Variants in PPARGC1A observed in about 807,000 individuals in gnomAD.
PPARGC1A encodes the protein peroxisome proliferator-activated receptor gamma coactivator 1-alpha.
Under a neutral mutation model 88.7 loss-of-function variants are expected in PPARGC1A, and 25 were observed. The observed-to-expected ratio is 0.28, with a 90% CI of 0.21 to 0.39. PPARGC1A has a LOEUF of 0.39. Among genes scored for constraint, PPARGC1A ranks in the 10% least tolerant of loss-of-function variants. The pLI, the probability that PPARGC1A is intolerant of heterozygous loss-of-function variation, is 1.00. For synonymous variants in PPARGC1A, 363 were observed against 355.6 expected, an observed-to-expected ratio of 1.02 and a Z score of -0.24; for missense variants, 880 against 968.7, an observed-to-expected ratio of 0.91 and a Z score of 1.22.
the PPARGC1A span, among the ~76,000 whole-genome samples, chr4:24,363,936 C>T: frequency 4.6e-5 from 7 of 152,122 alleles, no homozygotes; most frequent in African/African-American, 1.2e-4. Context: ...ATTGTCATTC[C>T]GCTGCCAAGA....
chr4:24,085,247 T>C, the PPARGC1A span, among the ~76,000 whole-genome samples: 4 of 152,160 alleles, frequency 2.6e-5, no homozygotes, highest in African/African-American at 9.7e-5. Flanking sequence ...CACAAATCTA[T>C]ATCCATATTT....
chr4:24,294,976 G>C, the PPARGC1A span, among the ~76,000 whole-genome samples: 4 of 152,142 alleles, frequency 2.6e-5, no homozygotes, highest in African/African-American at 9.7e-5. Context: ...AAGCCCATGG[G>C]GGGACTAGTA....
chr4:24,084,360 G>C, the PPARGC1A span, among the ~76,000 whole-genome samples: 1 of 152,214 alleles, frequency 6.6e-6, no homozygotes, highest in South Asian at 2.1e-4. Flanking sequence ...AGGTTGCTTA[G>C]CCTTGAGAGC....
the PPARGC1A span, among the ~76,000 whole-genome samples, chr4:24,307,777 C>G: frequency 6.6e-6 from 1 of 152,174 alleles, no homozygotes; most frequent in Non-Finnish European, 1.5e-5. Context: ...AGCTGACTCT[C>G]GAGCCCACCC....
At chr4:23,977,022 G>A in the PPARGC1A span, among the ~76,000 whole-genome samples, 9 of 151,190 alleles carry the variant, frequency 6.0e-5, no homozygotes, top group African/African-American at 2.2e-4. Context: ...GAGAGGAGGA[G>A]GAAAAGGAGA....
At chr4:24,103,978 A>AT in the PPARGC1A span, among the ~76,000 whole-genome samples, 1 of 152,186 alleles carries the variant, frequency 6.6e-6, no homozygotes, top group Non-Finnish European at 1.5e-5. Context: ...TCCTAGGAAG[A>AT]TTAAGGCCGA....
At chr4:24,427,176 C>A in the PPARGC1A span, among the ~76,000 whole-genome samples, 6 of 152,104 alleles carry the variant, frequency 3.9e-5, no homozygotes, top group Non-Finnish European at 8.8e-5. Context: ...GTCCTCATTA[C>A]AAATTCACTT....
the PPARGC1A span, among the ~76,000 whole-genome samples, chr4:24,392,085 G>C: frequency 2.6e-5 from 4 of 152,152 alleles, no homozygotes; most frequent in Non-Finnish European, 5.9e-5. Context: ...TAGAAAACCT[G>C]ATAGTAAGAA....
chr4:23,948,124 C>T, the PPARGC1A span, among the ~76,000 whole-genome samples: 3 of 152,176 alleles, frequency 2.0e-5, no homozygotes, highest in Non-Finnish European at 4.4e-5. Flanking sequence ...GGAATGACTG[C>T]TCTTCTTTTA....
At chr4:23,908,800 T>A (rs1720380346), upstream of PPARGC1A, among the ~76,000 whole-genome samples, 1 of 152,216 alleles carries the variant, frequency 6.6e-6, no homozygotes, top group Non-Finnish European at 1.5e-5. Flanking sequence ...GATGCCAGGA[T>A]AAACAGACAC....
the PPARGC1A span, among the ~76,000 whole-genome samples, chr4:24,038,137 C>A: frequency 6.6e-6 from 1 of 152,172 alleles, no homozygotes; most frequent in Non-Finnish European, 1.5e-5. Flanking sequence ...AAACAACCTG[C>A]CCAAATATAA....
At chr4:24,121,066 A>T in the PPARGC1A span, among the ~76,000 whole-genome samples, 1 of 152,154 alleles carries the variant, frequency 6.6e-6, no homozygotes, top group Non-Finnish European at 1.5e-5. Flanking sequence ...CAGTTTCCTC[A>T]TCTGAAAAAC....
At chr4:24,320,306 T>C in the PPARGC1A span, among the ~76,000 whole-genome samples, 1 of 152,220 alleles carries the variant, frequency 6.6e-6, no homozygotes, top group South Asian at 2.1e-4. Context: ...TCTCCTTTTT[T>C]ATTCTAGAAT....
the PPARGC1A span, among the ~76,000 whole-genome samples, chr4:24,047,031 A>G: frequency 0.29 from 43,900 of 151,976 alleles, 6,749 homozygotes; most frequent in South Asian, 0.45. Context: ...GCCCACTCTG[A>G]CTGACAAACC....
At chr4:23,981,733 A>G in the PPARGC1A span, among the ~76,000 whole-genome samples, 1 of 152,128 alleles carries the variant, frequency 6.6e-6, no homozygotes, top group East Asian at 1.9e-4. Flanking sequence ...TATTTTTTAA[A>G]TTACTATTAT....
the PPARGC1A span, among the ~76,000 whole-genome samples, chr4:24,010,079 G>A: frequency 6.2e-3 from 942 of 152,226 alleles, 18 homozygotes; most frequent in South Asian, 0.087. Flanking sequence ...ACATTGGTTC[G>A]GAAAGTGCCT....
the PPARGC1A span, among the ~76,000 whole-genome samples, chr4:23,968,786 G>C: frequency 6.6e-6 from 1 of 151,952 alleles, no homozygotes; most frequent in Non-Finnish European, 1.5e-5. Flanking sequence ...GTGGTGGTGG[G>C]TGCCCGTAGT....
chr4:24,328,494 T>C, the PPARGC1A span, among the ~76,000 whole-genome samples: 2 of 152,112 alleles, frequency 1.3e-5, no homozygotes, highest in African/African-American at 4.8e-5. Context: ...TTTTTAACCC[T>C]TTAGGCAGGG....
At chr4:24,291,129 C>T in the PPARGC1A span, among the ~76,000 whole-genome samples, 1 of 152,174 alleles carries the variant, frequency 6.6e-6, no homozygotes, top group Non-Finnish European at 1.5e-5. Context: ...CTCGCTAAAG[C>T]ATTCCACCCA....
Sources: gnomAD v4.1 joint callset for allele counts (sites outside exome capture counted in the v4.1 genomes callset) on GRCh38, gnomAD v4.1.1 for gene constraint, MANE v1.5 for transcripts, NCBI Gene and HGNC (gene_info 2026-07-23, HGNC 2026-07-21) for gene names.